Variants in NINL observed in about 807,000 individuals in gnomAD.
NINL encodes the protein ninein like, also known as ninein-like protein.
In NINL, 153 loss-of-function variants were observed where a neutral mutation model predicts 160.3. That is an observed-to-expected ratio of 0.95 (90% CI 0.84 to 1.09). The LOEUF is 1.09. NINL is among the 50% of genes least tolerant of loss of function. The probability of loss-of-function intolerance (pLI) is 0.00; values close to 1 mark genes in which losing one functional copy is unlikely to be tolerated. For missense variants in NINL, 1,829 were observed against 1,764.0 expected, an observed-to-expected ratio of 1.04 and a Z score of -0.66; for synonymous variants, 800 against 734.8, an observed-to-expected ratio of 1.09 and a Z score of -1.43.
chr20:25,501,291 C>T (rs530622447), intron 7 of NINL, among the ~76,000 whole-genome samples: 17 of 152,382 alleles, frequency 1.1e-4, no homozygotes, highest in Non-Finnish European at 2.9e-5. Context: ...CGGCCAGCCC[C>T]AGTCAGCACA....
At chr20:25,584,013 T>G (rs2065201325) in intron 1 of NINL, among the ~76,000 whole-genome samples, 2 of 151,962 alleles carry the variant, frequency 1.3e-5, no homozygotes, top group Non-Finnish European at 1.5e-5. Context: ...AGGGAGAGCA[T>G]TAGGACAAAT....
intron 2 of NINL, among the ~76,000 whole-genome samples, chr20:25,524,192 C>G (rs1168748626): frequency 6.6e-6 from 1 of 152,092 alleles, no homozygotes; most frequent in Admixed American, 6.5e-5. Context: ...GAAAAATGGT[C>G]CACCATGACC....
chr20:25,576,546 C>T (rs970775628), intron 1 of NINL, among the ~76,000 whole-genome samples: 2 of 152,218 alleles, frequency 1.3e-5, no homozygotes, highest in Non-Finnish European at 2.9e-5. Flanking sequence ...GTAGCCTCCA[C>T]TTCCCGTGCT....
intron 5 of NINL, among the ~76,000 whole-genome samples, chr20:25,505,441 C>T (rs1318164552): frequency 6.6e-6 from 1 of 152,104 alleles, no homozygotes; most frequent in Middle Eastern, 3.2e-3. Context: ...TTGAAGTTTG[C>T]TAAGAGAGTC....
chr20:25,456,651 C>T (rs904606707), intron 22 of NINL, among the ~76,000 whole-genome samples: 1 of 152,120 alleles, frequency 6.6e-6, no homozygotes, highest in Non-Finnish European at 1.5e-5. Context: ...AAATTAGTGG[C>T]CTAGTGAGGT....
chr20:25,457,462 C>T (rs1316886243), intron 22 of NINL, among the ~76,000 whole-genome samples: 1 of 152,218 alleles, frequency 6.6e-6, no homozygotes, highest in African/African-American at 2.4e-5. Flanking sequence ...TAAATAACTC[C>T]AAAGCGAGCT....
intron 1 of NINL, among the ~76,000 whole-genome samples, chr20:25,536,258 C>T (rs1372292675): frequency 2.0e-5 from 3 of 152,200 alleles, no homozygotes; most frequent in Admixed American, 1.3e-4. Context: ...CCATCCAAGA[C>T]GAGAGGCTTT....
At chr20:25,493,532 T>G (rs1021977798) in intron 10 of NINL, among the ~76,000 whole-genome samples, 1 of 152,130 alleles carries the variant, frequency 6.6e-6, no homozygotes, top group Non-Finnish European at 1.5e-5. Context: ...TCCTAAATGT[T>G]AGCAATTGTC....
intron 1 of NINL, among the ~76,000 whole-genome samples, chr20:25,542,396 G>A (rs2064677305): frequency 6.6e-6 from 1 of 152,040 alleles, no homozygotes; most frequent in Non-Finnish European, 1.5e-5. Context: ...TAAAGGTCAA[G>A]TGTACAATCA....
chr20:25,512,935 G>C lies in NINL; in HGVS notation c.349C>G (p.Leu117Val). The C allele has an allele frequency of 6.2e-7, 1 of 1,614,122 alleles. No homozygotes were observed. The highest frequency in any genetic ancestry group is 8.5e-7 in the Non-Finnish European group (1 of 1,179,970). The change falls in exon 4 of 24, where the codon CTA becomes GTA. Residue 117 changes from leucine (L) to valine (V), a missense_variant. Leu to Val is a conservative substitution (Grantham distance 32). Transcript: ENST00000278886. Reference protein sequence around the residue: ...KWYGRRSRPELCDAATEARRV... With the variant: ...KWYGRRSRPEVCDAATEARRV... ...CTGGCTTCTGTGGCAGCGTCACATAGCTCAGGCCGGCTCCGACGGCCATAC... is the reference window on the plus strand; with the variant it reads ...CTGGCTTCTGTGGCAGCGTCACATACCTCAGGCCGGCTCCGACGGCCATAC...
chr20:25,458,731 C>T (rs1413710307), intron 21 of NINL: 2 of 609,804 alleles, frequency 3.3e-6, no homozygotes, highest in South Asian at 2.0e-5. Flanking sequence ...CGCTTCCACA[C>T]AGTGCTAGAG....
At chr20:25,539,529 C>T (rs749437675) in intron 1 of NINL, among the ~76,000 whole-genome samples, 9 of 152,220 alleles carry the variant, frequency 5.9e-5, no homozygotes, top group Non-Finnish European at 1.3e-4. Flanking sequence ...CTGCTGCTTA[C>T]TCACTACACG....
chr20:25,516,528 G>A (rs75386585), intron 3 of NINL, among the ~76,000 whole-genome samples: 2,516 of 152,246 alleles, frequency 0.017, 70 homozygotes, highest in African/African-American at 0.058. Flanking sequence ...CAAGGAGAAG[G>A]ACCTTCTGTG....
chr20:25,496,678 G>A lies in NINL; in HGVS notation c.1295C>T (p.Thr432Met), dbSNP rs201996450. ...CAGAACCCACTTGATTTTCTTCTCC[G>A]TGAGCTGCTCCAGGGTGGAGTGGCA... ...DDCHSTLEQL[T>M]EKKIKHLEQG... The change falls in exon 10 of 24, where the codon ACG becomes ATG. Residue 432 changes from threonine (T) to methionine (M), a missense_variant. Transcript: ENST00000278886. The A allele has an allele frequency of 8.7e-6, 14 of 1,613,926 alleles. No homozygotes were observed. The highest frequency in any genetic ancestry group is 1.7e-5 in the Admixed American group (1 of 59,982).
At chr20:25,459,298 C>CCAGG (rs2146303935) in intron 21 of NINL, among the ~76,000 whole-genome samples, 1 of 152,262 alleles carries the variant, frequency 6.6e-6, no homozygotes, top group Admixed American at 6.5e-5. Context: ...CGCCACACTG[C>CCAGG]CAGGTCCGGC....
At chr20:25,494,492 G>C (rs2063708436) in intron 10 of NINL, among the ~76,000 whole-genome samples, 1 of 152,120 alleles carries the variant, frequency 6.6e-6, no homozygotes. Flanking sequence ...CACTCCACAG[G>C]CCCCATGCAC....
intron 21 of NINL, among the ~76,000 whole-genome samples, chr20:25,459,603 A>G (rs1469212084): frequency 6.6e-6 from 1 of 152,132 alleles, no homozygotes; most frequent in Non-Finnish European, 1.5e-5. Context: ...CGCATCAAGC[A>G]CATCTACCCA....
At chr20:25,463,888 C>A (rs147190800) in intron 19 of NINL, among the ~76,000 whole-genome samples, 4 of 152,298 alleles carry the variant, frequency 2.6e-5, no homozygotes, top group African/African-American at 9.6e-5. Context: ...AACCTCAAGC[C>A]TCAGGTTAAG....
At chr20:25,469,597 G>A (rs911402974) in intron 18 of NINL, among the ~76,000 whole-genome samples, 3 of 151,982 alleles carry the variant, frequency 2.0e-5, no homozygotes, top group African/African-American at 7.3e-5. Flanking sequence ...AGCTGAAGCT[G>A]TTATCAGGAG....
Sources: allele counts gnomAD v4.1 joint callset (sites outside exome capture counted in the v4.1 genomes callset), GRCh38; gene constraint gnomAD v4.1.1; transcripts MANE v1.5; gene names NCBI Gene and HGNC (gene_info 2026-07-23, HGNC 2026-07-21).